Variants in DSCAM observed in about 807,000 individuals in gnomAD.
DSCAM encodes the protein cell adhesion molecule DSCAM.
Under a neutral mutation model 217.7 loss-of-function variants are expected in DSCAM, and 47 were observed. The ratio of observed to expected loss-of-function variants is 0.22; its 90% confidence interval spans 0.17 to 0.28. The LOEUF is 0.28. Ranked by LOEUF, DSCAM falls within the 10% of genes least tolerant of loss-of-function variation. The pLI is 1.00. For missense variants in DSCAM, 2,080 were observed against 2,618.3 expected (o/e 0.79, Z 4.49); for synonymous variants, 1,056 against 1,015.3 (o/e 1.04, Z -0.76).
chr21:40,744,919 A>T (rs1188582710), intron 1 of DSCAM, among the ~76,000 whole-genome samples: 1 of 152,222 alleles, frequency 6.6e-6, no homozygotes, highest in East Asian at 1.9e-4. Flanking sequence ...ATGCAGTGAA[A>T]TTTTGAAAGA....
rs564955533 is a variant in DSCAM, at chr21:40,171,882, A to G, written c.2948-4594T>C. Among the ~76,000 whole-genome samples the G allele has an allele frequency of 1.4e-4, 22 of 152,350 alleles. 1 individual carries two copies. The highest frequency in any genetic ancestry group is 4.6e-4 in the African/African-American group (19 of 41,572). Reference sequence around the variant, plus strand: ...CAGTCCAAAGCCGATTGAGTTTCCAATGCAAAATGTATTAAGGGTCAAAAA... The same window carrying G: ...CAGTCCAAAGCCGATTGAGTTTCCAGTGCAAAATGTATTAAGGGTCAAAAA... On this transcript the variant is annotated intron_variant, in intron 15 of 32. Coordinates refer to ENST00000400454, the MANE Select transcript of DSCAM (RefSeq NM_001389.5).
At chr21:40,383,025 G>C (rs1601602591) in intron 3 of DSCAM, 1 of 152,232 alleles carries the variant, frequency 6.6e-6, no homozygotes, top group African/African-American at 2.4e-5. Flanking sequence ...CTGATGTAAA[G>C]AGAGATTGGA....
chr21:40,692,587 C>G (rs2090549450), intron 3 of DSCAM, among the ~76,000 whole-genome samples: 1 of 152,202 alleles, frequency 6.6e-6, no homozygotes, highest in Admixed American at 6.5e-5. Flanking sequence ...GTGCCGGTAA[C>G]TAATCTCTCT....
chr21:40,198,900 G>A (rs1408105015), intron 11 of DSCAM, among the ~76,000 whole-genome samples: 1 of 152,160 alleles, frequency 6.6e-6, no homozygotes, highest in Non-Finnish European at 1.5e-5. Flanking sequence ...TTGGCTTGTG[G>A]GACTGGACTG....
At chr21:40,363,300 T>G (rs2074789013) in intron 4 of DSCAM, among the ~76,000 whole-genome samples, 1 of 144,100 alleles carries the variant, frequency 6.9e-6, no homozygotes. Context: ...GTCACCAGGC[T>G]GGAGTGCAAT....
intron 15 of DSCAM, among the ~76,000 whole-genome samples, chr21:40,170,186 C>T (rs527925853): frequency 7.2e-5 from 11 of 152,314 alleles, no homozygotes; most frequent in African/African-American, 2.4e-4. Flanking sequence ...TTTCTTCTCC[C>T]TCCATCAGGG....
intron 1 of DSCAM, among the ~76,000 whole-genome samples, chr21:40,737,453 C>T (rs570682154): frequency 6.6e-6 from 1 of 152,242 alleles, no homozygotes; most frequent in South Asian, 2.1e-4. Flanking sequence ...GCCTGGCCAA[C>T]ATGGTGAATC....
chr21:40,168,122 A>G (rs760190788), intron 15 of DSCAM, among the ~76,000 whole-genome samples: 1 of 152,206 alleles, frequency 6.6e-6, no homozygotes, highest in Non-Finnish European at 1.5e-5. Flanking sequence ...CTAGCCACAG[A>G]GTGCTGAAGC....
chr21:40,715,990 C>A (rs1464483745), intron 1 of DSCAM, among the ~76,000 whole-genome samples: 1 of 152,106 alleles, frequency 6.6e-6, no homozygotes, highest in Non-Finnish European at 1.5e-5. Flanking sequence ...TATTGAAAAT[C>A]TCATTCCACA....
intron 10 of DSCAM, among the ~76,000 whole-genome samples, chr21:40,293,907 A>C (rs1318308226): frequency 6.6e-6 from 1 of 152,220 alleles, no homozygotes; most frequent in Non-Finnish European, 1.5e-5. Context: ...AAGAAAGATT[A>C]TAAGCCAGCA....
rs2076811251 is a variant in DSCAM at position 40,572,085 on chromosome 21, G to GTGT, written c.508+120724_508+120725insACA. 4.0e-5 allele frequency among the ~76,000 whole-genome samples: 6 copies of GTGT among 148,628 alleles called. No individual in the cohort carries two copies. The East Asian group carries it at 8.0e-4, about 20-fold the overall frequency. The stretch of plus-strand genomic sequence containing the variant: ...GGGATACTCAACATGTGTGTGTGTG[G>GTGT]GTGTGTGTGTGTGTGTGTGTGTGTG... On this transcript the variant is annotated intron_variant, in intron 3 of 32. Coordinates refer to ENST00000400454, the MANE Select transcript of DSCAM (RefSeq NM_001389.5).
chr21:40,723,636 G>C (rs971229099), intron 1 of DSCAM, among the ~76,000 whole-genome samples: 2 of 152,118 alleles, frequency 1.3e-5, no homozygotes, highest in African/African-American at 4.8e-5. Flanking sequence ...ATAAATAAAT[G>C]TTTAAAAGAA....
chr21:40,201,043 T>C (rs943811637), intron 11 of DSCAM, among the ~76,000 whole-genome samples: 5 of 152,236 alleles, frequency 3.3e-5, no homozygotes, highest in African/African-American at 1.2e-4. Flanking sequence ...AGCTGGGTTA[T>C]TATGCTTACA....
Position 40,012,956 on chromosome 21 carries a change from G to T in DSCAM, c.*78C>A. 2 of 1,051,500 alleles carry T rather than the reference G, an allele frequency of 1.9e-6. No individual in the cohort carries two copies. Among genetic ancestry groups the T allele is most frequent in the Non-Finnish European group, 2.5e-6 (2 of 795,432 alleles). The allele number at this position is 1,051,500 out of a possible 1,614,324, so 65.1% of individuals were successfully genotyped here. On this transcript the variant is annotated 3_prime_UTR_variant, in exon 33 of 33. Coordinates refer to ENST00000400454, the MANE Select transcript of DSCAM (RefSeq NM_001389.5). ...GCAATTTTCTTTAATTATAAATATTGGAATTCCGTAAAAAAAAGGTAGCTT... is the reference window on the plus strand; with the variant it reads ...GCAATTTTCTTTAATTATAAATATTTGAATTCCGTAAAAAAAAGGTAGCTT...
At chr21:40,761,181 G>C (rs1472558108) in intron 1 of DSCAM, among the ~76,000 whole-genome samples, 1 of 152,146 alleles carries the variant, frequency 6.6e-6, no homozygotes, top group Non-Finnish European at 1.5e-5. Flanking sequence ...CCTTGAGTCT[G>C]GCTCATCACG....
intron 3 of DSCAM, among the ~76,000 whole-genome samples, chr21:40,528,898 CTT>C (rs911356584): frequency 2.0e-3 from 201 of 99,368 alleles, no homozygotes; most frequent in African/African-American, 8.5e-3. Flanking sequence ...AGGCTTTCCA[CTT>C]TTTTTTTTTT....
At chr21:40,695,623 G>A (rs901392507) in intron 2 of DSCAM, among the ~76,000 whole-genome samples, 7 of 152,070 alleles carry the variant, frequency 4.6e-5, no homozygotes, top group Admixed American at 2.0e-4. Context: ...CTCCTTATTC[G>A]ATTACTCATT....
intron 1 of DSCAM, among the ~76,000 whole-genome samples, chr21:40,742,013 C>T (rs1234946590): frequency 6.6e-6 from 1 of 152,138 alleles, no homozygotes; most frequent in African/African-American, 2.4e-5. Flanking sequence ...AAAAGCCCAC[C>T]ACGTACAGCC....
At chr21:40,731,547 A>T (rs1275595368) in intron 1 of DSCAM, among the ~76,000 whole-genome samples, 2 of 152,132 alleles carry the variant, frequency 1.3e-5, no homozygotes, top group Non-Finnish European at 2.9e-5. Flanking sequence ...TGCAGTATCC[A>T]CAGGGTTGGT....
Sources: allele counts gnomAD v4.1 joint callset (sites outside exome capture counted in the v4.1 genomes callset), GRCh38; gene constraint gnomAD v4.1.1; transcripts MANE v1.5; gene names NCBI Gene and HGNC (gene_info 2026-07-23, HGNC 2026-07-21).